Variants in ZNF114 observed in about 807,000 individuals in gnomAD.
ZNF114 encodes the protein zinc finger protein 114 (Y18).
In ZNF114, 8 loss-of-function variants were observed where a neutral mutation model predicts 6.8. That is an observed-to-expected ratio of 1.18 (90% CI 0.69 to 2.13). The LOEUF (loss-of-function observed/expected upper bound fraction) is 2.13, where lower values mean the gene tolerates loss of function less well. Among genes scored for constraint, ZNF114 ranks in the 30% most tolerant of loss-of-function variants. The pLI is 0.00. For missense variants in ZNF114, 472 were observed against 519.5 expected (o/e 0.91, Z 0.89); for synonymous variants, 169 against 185.5 (o/e 0.91, Z 0.72).
At chr19:48,283,610 G>C (rs753237298) in intron 5 of ZNF114, among the ~76,000 whole-genome samples, 1 of 152,224 alleles carries the variant, frequency 6.6e-6, no homozygotes, top group Non-Finnish European at 1.5e-5. Flanking sequence ...AGAGCAACAG[G>C]CTCGCCACTG....
chr19:48,274,986 G>T (rs910777599), intron 3 of ZNF114, among the ~76,000 whole-genome samples: 19 of 151,482 alleles, frequency 1.3e-4, no homozygotes, highest in African/African-American at 4.4e-4. Flanking sequence ...GTCGTTGAAA[G>T]TTAGACCTGG....
chr19:48,282,265 T>TTAAGACC, intron 4 of ZNF114, 106 bp from the exon 5 acceptor site: 3 of 1,471,622 alleles, frequency 2.0e-6, no homozygotes, highest in Non-Finnish European at 2.8e-6. Context: ...CCTTTGCAGG[T>TTAAGACC]ACCAAGGGTT....
In ZNF114 at chr19:48,286,153, G is replaced by T; in HGVS notation, c.529G>T (p.Asp177Tyr). ...SQKTHENNEDDGVLGWNIQWV... is the reference protein window; with the variant it reads ...SQKTHENNEDYGVLGWNIQWV... ...AAAAACACATGAAAACAACGAAGAC[G>T]ATGGAGTCTTGGGGTGGAACATTCA... Residue 177 changes from aspartate to tyrosine, a missense_variant, in exon 6 of 6, where the codon GAT (aspartate) becomes TAT (tyrosine). By Grantham distance (160) the Asp-to-Tyr change is radical. Transcript: ENST00000595607. 1 of 1,614,188 alleles carries T rather than the reference G, an allele frequency of 6.2e-7. No homozygotes were observed. The highest frequency in any genetic ancestry group is 8.5e-7 in the Non-Finnish European group (1 of 1,180,036).
intron 4 of ZNF114, among the ~76,000 whole-genome samples, chr19:48,281,214 A>G (rs138621534): frequency 2.0e-5 from 3 of 152,294 alleles, no homozygotes; most frequent in African/African-American, 7.2e-5. Flanking sequence ...TTCCTGTTGC[A>G]TTAGGCTGTT....
chr19:48,274,307 C>T (rs1193556025), intron 3 of ZNF114, among the ~76,000 whole-genome samples: 1 of 151,368 alleles, frequency 6.6e-6, no homozygotes, highest in Non-Finnish European at 1.5e-5. Flanking sequence ...CATCAAGTTT[C>T]TTCCAAATAT....
At chr19:48,274,616 C>T (rs1287202749) in intron 3 of ZNF114, among the ~76,000 whole-genome samples, 1 of 151,524 alleles carries the variant, frequency 6.6e-6, no homozygotes, top group African/African-American at 2.4e-5. Context: ...AAGTAATTCT[C>T]CTGCCTCAAC....
At chr19:48,283,827 G>A (rs375452314) in intron 5 of ZNF114, among the ~76,000 whole-genome samples, 23 of 151,656 alleles carry the variant, frequency 1.5e-4, no homozygotes, top group Admixed American at 1.1e-3. Context: ...TCCACCTCCC[G>A]GGTTCAAGCA....
intron 3 of ZNF114, 90 bp from the exon 4 acceptor site, chr19:48,279,641 A>G: frequency 3.5e-6 from 3 of 849,962 alleles, no homozygotes; most frequent in Non-Finnish European, 5.6e-6. Context: ...ACGTGCATTT[A>G]TATGCTGAGA....
At chr19:48,274,494 ATATATATATATATTTTT>A (rs753352167) in intron 3 of ZNF114, among the ~76,000 whole-genome samples, 15 of 74,074 alleles carry the variant, frequency 2.0e-4, no homozygotes, top group Non-Finnish European at 3.5e-4. Context: ...ATATATATAT[ATATATATATATATTTTT>A]TTTTTTTTTT....
At chr19:48,271,003 C>G (rs1429227621) in intron 1 of ZNF114, 3 of 150,230 alleles carry the variant, frequency 2.0e-5, no homozygotes, top group Non-Finnish European at 4.4e-5. Context: ...TTGCAGTGAA[C>G]CGAGATCGCG....
At chr19:48,275,922 C>A in intron 3 of ZNF114, among the ~76,000 whole-genome samples, 1 of 148,156 alleles carries the variant, frequency 6.7e-6, no homozygotes. Flanking sequence ...GCAGAGCTTG[C>A]AGTGAGCTGA....
intron 3 of ZNF114, among the ~76,000 whole-genome samples, chr19:48,272,421 AATAAAT>A (rs1967685575): frequency 7.0e-6 from 1 of 143,152 alleles, no homozygotes; most frequent in African/African-American, 2.6e-5. Context: ...CAAAAAAAAA[AATAAAT>A]AATAATAATA....
At position 48,286,988 on chromosome 19, in the gene ZNF114, A is replaced by C; in HGVS notation, c.*110A>C. ...GCATGAGTGAGAACATCTTCCCTGAACTCTCGTATCTTACAGAAATGTGAA... is the reference window on the plus strand; with the variant it reads ...GCATGAGTGAGAACATCTTCCCTGACCTCTCGTATCTTACAGAAATGTGAA... On this transcript the variant is annotated 3_prime_UTR_variant, in exon 6 of 6. Transcript: ENST00000595607. The C allele has an allele frequency of 8.6e-7, 1 of 1,168,748 alleles. No homozygotes were observed. The highest frequency in any genetic ancestry group is 1.2e-6 in the Non-Finnish European group (1 of 861,516). The allele number at this position is 1,168,748 out of a possible 1,614,324, so 72.4% of individuals were successfully genotyped here. A position where few individuals can be genotyped will look rare whatever the true frequency, so the allele number is the denominator to read the frequency against.
intron 5 of ZNF114, 37 bp from the exon 6 acceptor site, chr19:48,285,724 C>A: frequency 1.3e-6 from 2 of 1,561,434 alleles, no homozygotes; most frequent in Non-Finnish European, 8.6e-7. Flanking sequence ...CCTTTACTTT[C>A]AACAAAGAAT....
At chr19:48,273,625 G>A (rs1404326978) in intron 3 of ZNF114, among the ~76,000 whole-genome samples, 1 of 151,816 alleles carries the variant, frequency 6.6e-6, no homozygotes, top group Admixed American at 6.6e-5. Flanking sequence ...TGTTTCCTTG[G>A]GAACTATAAG....
chr19:48,274,498 ATATATATATTT>A (rs1568990076), intron 3 of ZNF114, among the ~76,000 whole-genome samples: 2 of 48,702 alleles, frequency 4.1e-5, no homozygotes, highest in Admixed American at 1.9e-4. Context: ...ATATATATAT[ATATATATATTT>A]TTTTTTTTTT....
chr19:48,285,797 C>G lies in ZNF114; in HGVS notation c.173C>G (p.Pro58Arg). 1 of 1,612,906 alleles carries G rather than the reference C, an allele frequency of 6.2e-7. No homozygotes were observed. The highest frequency in any genetic ancestry group is 8.5e-7 in the Non-Finnish European group (1 of 1,179,686). ...ATPCKTKDAT[P>R]QPDILPKRTF... The stretch of plus-strand genomic sequence containing the variant: ...CCATGTAAAACCAAAGACGCAACCC[C>G]TCAGCCGGATATTCTTCCTAAAAGA... Residue 58 changes from proline (P) to arginine (R), a missense_variant, in exon 6 of 6, where the codon CCT (proline) becomes CGT (arginine). By Grantham distance (103) the Pro-to-Arg change is moderately radical. Transcript: ENST00000595607.
chr19:48,272,510 C>T (rs1229055689), intron 3 of ZNF114, among the ~76,000 whole-genome samples: 10 of 149,874 alleles, frequency 6.7e-5, no homozygotes, highest in African/African-American at 2.4e-4. Flanking sequence ...AGGAGAATCG[C>T]TTGAACCTGG....
chr19:48,274,500 ATATATATTTTTTT>A (rs763417213), intron 3 of ZNF114, among the ~76,000 whole-genome samples: 6,082 of 73,450 alleles, frequency 0.083, 229 homozygotes, highest in African/African-American at 0.2. Flanking sequence ...ATATATATAT[ATATATATTTTTTT>A]TTTTTTTTTT....
Sources: gnomAD v4.1 joint callset for allele counts (sites outside exome capture counted in the v4.1 genomes callset) on GRCh38, gnomAD v4.1.1 for gene constraint, MANE v1.5 for transcripts, NCBI Gene and HGNC (gene_info 2026-07-23, HGNC 2026-07-21) for gene names.